FBXL13: variants seen among roughly 807,000 people sequenced by gnomAD.
FBXL13 encodes F-box and leucine-rich repeat protein 13.
In FBXL13, 67 loss-of-function variants were observed where a neutral mutation model predicts 83.6. The ratio of observed to expected loss-of-function variants is 0.80; its 90% CI spans 0.66 to 0.98. The LOEUF (loss-of-function observed/expected upper bound fraction) is 0.98. FBXL13 is among the 50% of genes least tolerant of loss of function. The probability of loss-of-function intolerance (pLI) is 0.00; values close to 1 mark genes in which losing one functional copy is unlikely to be tolerated. For synonymous variants in FBXL13, 272 were observed against 299.5 expected, an observed-to-expected ratio of 0.91 and a Z score of 0.95; for missense variants, 822 against 866.5, an observed-to-expected ratio of 0.95 and a Z score of 0.64.
At chr7:102,978,597 T>C in intron 6 of FBXL13, 1 of 175,690 alleles carries the variant, frequency 5.7e-6, no homozygotes. Flanking sequence ...CCCTACTCAT[T>C]TGGTGCTGAC....
chr7:102,981,937 A>C (rs963503748), intron 6 of FBXL13, among the ~76,000 whole-genome samples: 1 of 152,204 alleles, frequency 6.6e-6, no homozygotes, highest in Non-Finnish European at 1.5e-5. Flanking sequence ...ATACAGGTCC[A>C]AATGGGTCTG....
chr7:102,951,177 A>C (rs917405465), intron 8 of FBXL13, among the ~76,000 whole-genome samples: 3 of 151,870 alleles, frequency 2.0e-5, no homozygotes, highest in Non-Finnish European at 4.4e-5. Context: ...CTTAAGAATA[A>C]AGTTTATGGC....
intron 8 of FBXL13, chr7:102,939,444 C>A (rs1245391366): frequency 1.4e-5 from 22 of 1,603,490 alleles, no homozygotes; most frequent in Non-Finnish European, 1.8e-5. Flanking sequence ...GAAAAAAGTG[C>A]CAAACAACAT....
intron 17 of FBXL13, 134 bp downstream of exon 18, chr7:102,854,642 AC>A (rs1203109813): frequency 7.9e-6 from 4 of 506,930 alleles, no homozygotes; most frequent in Non-Finnish European, 1.4e-5. Context: ...TTACTTAAGA[AC>A]TAAAGGCAAA....
intron 16 of FBXL13, among the ~76,000 whole-genome samples, chr7:102,870,590 G>C (rs1808394944): frequency 6.6e-6 from 1 of 152,178 alleles, no homozygotes; most frequent in Admixed American, 6.5e-5. Flanking sequence ...ACCCAGGCAG[G>C]AGGTGTAACA....
In FBXL13 at chr7:102,944,352, C is replaced by T. The variant is rs940005328; in HGVS notation, c.725-12419G>A. ...ATAACCCTTGGAGATGTGACTACAA[C>T]ATTCACTACCTCTACTACTGGTTAA... On this transcript the variant is annotated intron_variant, in intron 8 of 19. Transcript: ENST00000313221. 7 of 1,613,946 alleles carry T rather than the reference C, an allele frequency of 4.3e-6. No homozygotes were observed. In the African/African-American group the frequency reaches 6.7e-5, roughly 15 times the overall value.
At chr7:102,955,228 A>C (rs1342598128) in intron 8 of FBXL13, among the ~76,000 whole-genome samples, 2 of 151,732 alleles carry the variant, frequency 1.3e-5, no homozygotes, top group East Asian at 3.8e-4. Flanking sequence ...AGAACTCAGG[A>C]TTAACAAACT....
chr7:102,993,500 A>C (rs928288054), intron 6 of FBXL13, among the ~76,000 whole-genome samples: 20 of 152,154 alleles, frequency 1.3e-4, no homozygotes, highest in African/African-American at 4.6e-4. Context: ...CTAATCAAGT[A>C]ATTTTACATT....
intron 6 of FBXL13, among the ~76,000 whole-genome samples, chr7:102,998,203 G>A (rs1374186338): frequency 1.3e-5 from 2 of 152,154 alleles, no homozygotes; most frequent in African/African-American, 4.8e-5. Context: ...TTTGAGAAAT[G>A]TCTATTCAGA....
intron 11 of FBXL13, among the ~76,000 whole-genome samples, chr7:102,895,151 T>C (rs559747458): frequency 6.6e-6 from 1 of 152,248 alleles, no homozygotes; most frequent in East Asian, 1.9e-4. Flanking sequence ...AGTACAATGA[T>C]AAAAGTATAC....
At chr7:102,958,748 T>C (rs183458165) in intron 8 of FBXL13, among the ~76,000 whole-genome samples, 17 of 152,044 alleles carry the variant, frequency 1.1e-4, no homozygotes, top group African/African-American at 2.9e-4. Context: ...ATGTATAACA[T>C]GCGTGAAGAC....
rs559494925 is a variant in FBXL13, at chr7:102,983,779, C to T, written c.496-15662G>A. Among the ~76,000 whole-genome samples the T allele has an allele frequency of 9.2e-5, 14 of 152,164 alleles. No individual in the cohort carries two copies. The East Asian group carries it at 2.7e-3, about 29-fold the overall frequency. On this transcript the variant is annotated intron_variant, in intron 6 of 19. Transcript: ENST00000313221. ...TTTAACAGAGTATAAAAGTGGGTCA[C>T]CGGATGAGATAAGATAACTGTAAAA...
chr7:102,924,641 C>CTTTTTT (rs71106699), intron 10 of FBXL13, among the ~76,000 whole-genome samples: 16 of 121,014 alleles, frequency 1.3e-4, no homozygotes, highest in Non-Finnish European at 2.2e-4. Flanking sequence ...GTAAGCTTTT[C>CTTTTTT]TTTTTTTTTT....
In FBXL13 at chr7:103,066,287, G is replaced by C. The variant is rs181614705; in HGVS notation, c.-105+7959C>G. Among the ~76,000 whole-genome samples, 4 of 152,196 alleles carry C rather than the reference G, an allele frequency of 2.6e-5. No homozygotes were observed. The East Asian group carries it at 7.7e-4, about 29-fold the overall frequency. Reference sequence around the variant, plus strand: ...CACAGCAGAGTACTTCATTTCTTTAGGTCACCTTAAACATCTTTCAATAAA... The same window carrying C: ...CACAGCAGAGTACTTCATTTCTTTACGTCACCTTAAACATCTTTCAATAAA... On this transcript the variant is annotated intron_variant, in intron 1 of 19. Coordinates refer to ENST00000313221, the Ensembl canonical transcript of FBXL13.
chr7:102,992,922 A>G (rs1829731751), intron 6 of FBXL13, among the ~76,000 whole-genome samples: 1 of 152,212 alleles, frequency 6.6e-6, no homozygotes, highest in African/African-American at 2.4e-5. Flanking sequence ...ACACTTTAAC[A>G]GAGACAGCGA....
chr7:102,934,602 C>T lies in FBXL13; in HGVS notation c.725-2669G>A, dbSNP rs769069587. The T allele has an allele frequency of 1.1e-5, 17 of 1,613,814 alleles. No homozygotes were observed. Among genetic ancestry groups the T allele is most frequent in the Non-Finnish European group, 1.2e-5 (14 of 1,179,908 alleles). On this transcript the variant is annotated intron_variant, in intron 8 of 19. Transcript: ENST00000313221. The stretch of plus-strand genomic sequence containing the variant: ...CCGAAACCCCAAGTGTCAGGGAGAC[C>T]CCCAGTCATCAAGCCTGAGGTGGAC...
At chr7:103,031,373 T>G (rs1794495684) in intron 2 of FBXL13, 1 of 152,248 alleles carries the variant, frequency 6.6e-6, no homozygotes, top group South Asian at 2.1e-4. Context: ...GGCAGTGTTT[T>G]GCACAGAGTA....
chr7:103,018,392 G>A (rs572410578), intron 6 of FBXL13, among the ~76,000 whole-genome samples: 60 of 152,174 alleles, frequency 3.9e-4, no homozygotes, highest in East Asian at 1.3e-3. Context: ...AAAAACCATC[G>A]ATGTTAGAAA....
intron 1 of FBXL13, among the ~76,000 whole-genome samples, chr7:103,065,482 T>C (rs1245689162): frequency 6.6e-6 from 1 of 152,216 alleles, no homozygotes; most frequent in Non-Finnish European, 1.5e-5. Context: ...TTAATCCTCC[T>C]GTATCACTCA....
Sources: gnomAD v4.1 joint callset for allele counts (sites outside exome capture counted in the v4.1 genomes callset) on GRCh38, gnomAD v4.1.1 for gene constraint, MANE v1.5 for transcripts, NCBI Gene and HGNC (gene_info 2026-07-23, HGNC 2026-07-21) for gene names.